The following ANTXR2 variants were observed in gnomAD, a reference collection of about 807,000 sequenced individuals.
ANTXR2 encodes ANTXR cell adhesion molecule 2.
ANTXR2 carries 44 observed loss-of-function variants against 73.7 expected under a neutral mutation model. That is an observed-to-expected ratio of 0.60 (90% CI 0.47 to 0.77). The LOEUF (loss-of-function observed/expected upper bound fraction) is 0.77. ANTXR2 is among the 30% of genes least tolerant of loss of function. The probability of loss-of-function intolerance (pLI) is 0.00; values close to 1 mark genes in which losing one functional copy is unlikely to be tolerated. For missense variants in ANTXR2, 604 were observed against 592.5 expected, an observed-to-expected ratio of 1.02 and a Z score of -0.20; for synonymous variants, 217 against 205.9, an observed-to-expected ratio of 1.05 and a Z score of -0.46.
At chr4:80,007,341 G>C (rs2110054420) in intron 12 of ANTXR2, among the ~76,000 whole-genome samples, 1 of 152,218 alleles carries the variant, frequency 6.6e-6, no homozygotes, top group Non-Finnish European at 1.5e-5. Flanking sequence ...ATAATAAAAG[G>C]AATATTCTCA....
At chr4:79,973,498 C>G (rs767563817) in intron 16 of ANTXR2, among the ~76,000 whole-genome samples, 3 of 151,120 alleles carry the variant, frequency 2.0e-5, no homozygotes, top group Admixed American at 6.6e-5. Context: ...GATCTCAGCT[C>G]ACTACTGCAA....
At chr4:80,055,574 C>A in intron 4 of ANTXR2, 107 bp from the exon 5 acceptor site, 1 of 913,892 alleles carries the variant, frequency 1.1e-6, no homozygotes. Flanking sequence ...ATATTACTGG[C>A]TAGCTTTTAA....
At chr4:79,907,967 T>C (rs6534642) in intron 16 of ANTXR2, among the ~76,000 whole-genome samples, 120,603 of 152,030 alleles carry the variant, frequency 0.79, 48,119 homozygotes, top group East Asian at 1. Context: ...TCATGTCCAT[T>C]GTTACTGACC....
rs1733894358 is a variant in ANTXR2 at position 80,054,347 on chromosome 4, T to A, written c.561A>T (p.Glu187Asp). 6.3e-7 allele frequency: 1 copy of A among 1,588,710 alleles called. No individual in the cohort carries two copies. Among genetic ancestry groups the A allele is most frequent in the African/African-American group, 1.4e-5 (1 of 72,980 alleles). ...GVLDFEQAQL[E>D]RIADSKEQVF... ...CTTGCTCCTTGGAATCAGCAATTCT[T>A]TCAAGCTTTAGAAAGAAGAGGAAGA... Residue 187 changes from glutamate (E) to aspartate (D), a missense_variant, in exon 7 of 17, where the codon GAA (glutamate) becomes GAT (aspartate). By Grantham distance (45) the Glu-to-Asp change is conservative. Transcript: ENST00000403729.
chr4:80,055,205 C>A lies in ANTXR2; in HGVS notation c.500G>T (p.Arg167Met). The A allele has an allele frequency of 6.4e-7, 1 of 1,569,112 alleles. No individual in the cohort carries two copies. Among genetic ancestry groups the A allele is most frequent in the East Asian group, 2.3e-5 (1 of 42,874 alleles). ...SYAEKEAKISRSLGASVYCVG... is the reference protein window; with the variant it reads ...SYAEKEAKISMSLGASVYCVG... The stretch of plus-strand genomic sequence containing the variant: ...ACAATAAACACTAGCCCCAAGTGAC[C>A]TGGATATCTTTGCCTATGGAGAATG... The change falls in exon 6 of 17, where the codon AGG becomes ATG. Residue 167 changes from arginine to methionine, a missense_variant. Coordinates refer to ENST00000403729, the MANE Select transcript of ANTXR2 (RefSeq NM_058172.6).
chr4:79,966,123 C>G (rs905851785), intron 16 of ANTXR2, among the ~76,000 whole-genome samples: 21 of 64,752 alleles, frequency 3.2e-4, no homozygotes, highest in Admixed American at 6.0e-4. Flanking sequence ...TATGCTAGGA[C>G]TTAGACACAC....
Position 80,018,939 on chromosome 4 carries a change from A to C in ANTXR2, c.904T>G (p.Ser302Ala), listed in dbSNP as rs1445359013. 1 of 1,517,876 alleles carries C rather than the reference A, an allele frequency of 6.6e-7. No homozygotes were observed. The highest frequency in any genetic ancestry group is 8.8e-7 in the Non-Finnish European group (1 of 1,135,826). 94.0% of individuals were successfully genotyped at this position (1,517,876 alleles called of 1,614,324 possible). ...DVSVSFNGGK[S>A]VISGSLIVTA... ...ACAATTAATGATCCTGAAATGACAG[A>C]TTTTCCTCCATTAAAGCTCACTGAA... is the stretch of plus-strand genomic sequence containing the variant. Residue 302 changes from serine (S) to alanine (A), a missense_variant, in exon 11 of 17, where the codon TCT becomes GCT. Coordinates refer to ENST00000403729, the MANE Select transcript of ANTXR2 (RefSeq NM_058172.6).
In ANTXR2 at chr4:80,072,793, C is replaced by G. The variant is rs571202865; in HGVS notation, c.-233G>C. ...CCGCAGCTGCCGCCGGAACTCTTGACGAATCCCAGTGGAAGCGCGATCCAG... is the reference window on the plus strand; with the variant it reads ...CCGCAGCTGCCGCCGGAACTCTTGAGGAATCCCAGTGGAAGCGCGATCCAG... On this transcript the variant is annotated 5_prime_UTR_variant, in exon 1 of 17. Transcript: ENST00000403729. The G allele has an allele frequency of 2.7e-6, 3 of 1,129,046 alleles. No homozygotes were observed. The highest frequency in any genetic ancestry group is 5.8e-5 in the South Asian group (2 of 34,318). The allele number at this position is 1,129,046 out of a possible 1,614,324, so 69.9% of individuals were successfully genotyped here.
chr4:79,975,580 G>A (rs916566500), intron 16 of ANTXR2, among the ~76,000 whole-genome samples: 6 of 152,156 alleles, frequency 3.9e-5, no homozygotes, highest in African/African-American at 1.4e-4. Flanking sequence ...TCAATACCCA[G>A]CACTTAATAA....
chr4:80,034,398 G>A (rs939612746), intron 8 of ANTXR2, among the ~76,000 whole-genome samples: 14 of 152,058 alleles, frequency 9.2e-5, no homozygotes, highest in Middle Eastern at 3.2e-3. Context: ...GTTTATTTGA[G>A]CAGAAGATTC....
chr4:80,021,901 T>C (rs1166383967), intron 10 of ANTXR2, among the ~76,000 whole-genome samples: 1 of 152,190 alleles, frequency 6.6e-6, no homozygotes, highest in Non-Finnish European at 1.5e-5. Flanking sequence ...AATGTAACCA[T>C]AAACACCACT....
At chr4:79,990,733 T>C (rs1730431104) in intron 12 of ANTXR2, among the ~76,000 whole-genome samples, 1 of 152,022 alleles carries the variant, frequency 6.6e-6, no homozygotes, top group South Asian at 2.1e-4. Flanking sequence ...CTTCAAACTA[T>C]GCTACAAGGC....
rs1452675136 is a variant in ANTXR2 at position 79,902,580 on chromosome 4, A to G, written c.*4849T>C. 6.6e-6 allele frequency: 1 copy of G among 152,190 alleles called. No homozygotes were observed. The highest frequency in any genetic ancestry group is 6.6e-5 in the Admixed American group (1 of 15,266). 9.4% of individuals were successfully genotyped at this position (152,190 alleles called of 1,614,324 possible). On this transcript the variant is annotated 3_prime_UTR_variant, in exon 17 of 17. Transcript: ENST00000403729. ...ACCCTATGAAACCAGAGTGAAGTAC[A>G]TGCATACATTTCCCAATGTTTTACC...
At chr4:79,988,381 TC>T (rs1166431630) in intron 12 of ANTXR2, among the ~76,000 whole-genome samples, 1 of 150,466 alleles carries the variant, frequency 6.6e-6, no homozygotes, top group African/African-American at 2.4e-5. Flanking sequence ...AGACTTTAAA[TC>T]AGCAATGATC....
intron 16 of ANTXR2, among the ~76,000 whole-genome samples, chr4:79,943,518 A>G (rs1728392437): frequency 1.4e-5 from 1 of 70,426 alleles, no homozygotes; most frequent in Non-Finnish European, 2.8e-5. Context: ...TCTCACTCAT[A>G]GGTGGGAATT....
intron 12 of ANTXR2, among the ~76,000 whole-genome samples, chr4:79,988,210 A>C (rs1223128993): frequency 7.2e-6 from 1 of 139,836 alleles, no homozygotes; most frequent in Non-Finnish European, 1.5e-5. Context: ...ATATTCAAGA[A>C]ATTCATCTCA....
intron 11 of ANTXR2, among the ~76,000 whole-genome samples, chr4:80,009,654 C>T (rs1247935413): frequency 2.6e-5 from 4 of 152,002 alleles, no homozygotes; most frequent in African/African-American, 9.7e-5. Flanking sequence ...TGAGACCAGC[C>T]TGGCCAACAT....
chr4:80,053,314 T>C (rs1733849212), intron 7 of ANTXR2, among the ~76,000 whole-genome samples: 1 of 151,710 alleles, frequency 6.6e-6, no homozygotes, highest in Admixed American at 6.6e-5. Context: ...TGCACTTACA[T>C]TTGGTTTGTC....
chr4:80,001,141 G>C (rs1403897889), intron 12 of ANTXR2, among the ~76,000 whole-genome samples: 1 of 149,324 alleles, frequency 6.7e-6, no homozygotes, highest in East Asian at 2.1e-4. Context: ...GATGCATATT[G>C]GTTTCAATAG....
Sources: allele counts gnomAD v4.1 joint callset (sites outside exome capture counted in the v4.1 genomes callset), GRCh38; gene constraint gnomAD v4.1.1; transcripts MANE v1.5; gene names NCBI Gene and HGNC (gene_info 2026-07-23, HGNC 2026-07-21).